THSD4: variants seen among roughly 807,000 people sequenced by gnomAD.
THSD4 encodes the protein thrombospondin type-1 domain-containing protein 4.
A neutral mutation model predicts 119.0 loss-of-function variants in THSD4; 69 were observed. That is an observed-to-expected ratio of 0.58 (90% CI 0.48 to 0.71). The LOEUF is 0.71. THSD4 is among the 30% of genes least tolerant of loss of function. The probability of loss-of-function intolerance (pLI) is 0.00; values close to 1 mark genes in which losing one functional copy is unlikely to be tolerated. For synonymous variants in THSD4, 524 were observed against 540.4 expected, an observed-to-expected ratio of 0.97 and a Z score of 0.42; for missense variants, 1,393 against 1,391.1, an observed-to-expected ratio of 1.00 and a Z score of -0.02.
chr15:71,400,209 ATGG>A (rs2046509325), intron 6 of THSD4, among the ~76,000 whole-genome samples: 1 of 152,120 alleles, frequency 6.6e-6, no homozygotes, highest in South Asian at 2.1e-4. Context: ...CAAGTGTGGG[ATGG>A]AAGGTTTGGG....
At position 71,608,520 on chromosome 15, in the gene THSD4, G is replaced by A. The variant is rs545919349; in HGVS notation, c.1153-52010G>A. ...TATTTAATCATTTCCCTAATGCTGT[G>A]CATTTGAGTTGTTTCCAGTTTTCTG... On this transcript the variant is annotated intron_variant, in intron 7 of 17. Coordinates refer to ENST00000261862, the MANE Select transcript of THSD4 (RefSeq NM_024817.3). Among the ~76,000 whole-genome samples, 3 of 152,196 alleles carry A rather than the reference G, an allele frequency of 2.0e-5. No individual in the cohort carries two copies. In the South Asian group the frequency reaches 6.2e-4, roughly 32 times the overall value.
intron 7 of THSD4, among the ~76,000 whole-genome samples, chr15:71,555,011 A>G (rs548252166): frequency 4.7e-4 from 71 of 152,246 alleles, no homozygotes; most frequent in African/African-American, 1.6e-3. Context: ...AAAGACAACC[A>G]TCACCCTGAA....
At chr15:71,340,512 C>A (rs1164084634) in intron 6 of THSD4, among the ~76,000 whole-genome samples, 2 of 151,166 alleles carry the variant, frequency 1.3e-5, no homozygotes, top group Non-Finnish European at 3.0e-5. Context: ...GGAGCTTGCG[C>A]ACCCTCTGGA....
chr15:71,474,515 C>T (rs2140648752), intron 7 of THSD4, among the ~76,000 whole-genome samples: 1 of 152,300 alleles, frequency 6.6e-6, no homozygotes, highest in South Asian at 2.1e-4. Flanking sequence ...GCCACCGCGC[C>T]TGGCCTTCTA....
intron 2 of THSD4, among the ~76,000 whole-genome samples, chr15:71,141,992 A>G (rs1250400718): frequency 6.6e-6 from 1 of 152,154 alleles, no homozygotes; most frequent in Admixed American, 6.5e-5. Context: ...AATACCAGCT[A>G]TTGGAGAGGC....
At chr15:71,439,263 A>G (rs1023772925) in intron 7 of THSD4, among the ~76,000 whole-genome samples, 1 of 152,186 alleles carries the variant, frequency 6.6e-6, no homozygotes, top group African/African-American at 2.4e-5. Flanking sequence ...AAGTTTATCA[A>G]TCCATCTTCT....
At chr15:71,188,983 C>A (rs539238905) in intron 3 of THSD4, 1 of 152,774 alleles carries the variant, frequency 6.5e-6, no homozygotes, top group East Asian at 1.9e-4. Flanking sequence ...CGGAGAGATT[C>A]ATTTTGTCTT....
chr15:71,748,841 A>G (rs189299507), intron 14 of THSD4, among the ~76,000 whole-genome samples: 99 of 152,322 alleles, frequency 6.5e-4, no homozygotes, highest in African/African-American at 2.2e-3. Flanking sequence ...GTCACTCCAT[A>G]ATACTAGGTG....
At chr15:71,230,352 G>A (rs116050513) in intron 4 of THSD4, among the ~76,000 whole-genome samples, 1,670 of 152,300 alleles carry the variant, frequency 0.011, 34 homozygotes, top group African/African-American at 0.038. Flanking sequence ...ATGCAAAGCC[G>A]CCTCCGTACT....
intron 7 of THSD4, among the ~76,000 whole-genome samples, chr15:71,444,321 G>T (rs2047150284): frequency 6.6e-6 from 1 of 152,192 alleles, no homozygotes; most frequent in African/African-American, 2.4e-5. Flanking sequence ...CACAAATTCT[G>T]AAGAACTCAG....
At chr15:71,195,124 G>T (rs1287236643) in intron 3 of THSD4, among the ~76,000 whole-genome samples, 1 of 152,174 alleles carries the variant, frequency 6.6e-6, no homozygotes, top group East Asian at 1.9e-4. Context: ...GGGTAGAAAA[G>T]CAATAATGTT....
chr15:71,489,222 G>A (rs1003850877), intron 7 of THSD4, among the ~76,000 whole-genome samples: 5 of 152,096 alleles, frequency 3.3e-5, no homozygotes, highest in Non-Finnish European at 5.9e-5. Context: ...TACAGAATTG[G>A]GTCAATAAGT....
chr15:71,323,777 A>G (rs541435599), intron 6 of THSD4, among the ~76,000 whole-genome samples: 2 of 152,382 alleles, frequency 1.3e-5, no homozygotes, highest in South Asian at 4.1e-4. Context: ...TAAGGAATGT[A>G]TTTATGGTAG....
In THSD4 at chr15:71,756,148, A is replaced by T. The variant is rs375255184; in HGVS notation, c.2416-1754A>T. Among the ~76,000 whole-genome samples, 10 of 152,326 alleles carry T rather than the reference A, an allele frequency of 6.6e-5. No homozygotes were observed. The South Asian group carries it at 2.1e-3, about 32-fold the overall frequency. On this transcript the variant is annotated intron_variant, in intron 14 of 17. Coordinates refer to ENST00000261862, the MANE Select transcript of THSD4 (RefSeq NM_024817.3). ...ACTTCAGAGGGAATTTTTAGCATGG[A>T]GTTCTCAACACCTGGCAGCCCAATG...
intron 3 of THSD4, among the ~76,000 whole-genome samples, chr15:71,188,629 C>T (rs746477063): frequency 2.0e-5 from 3 of 152,120 alleles, no homozygotes; most frequent in Non-Finnish European, 4.4e-5. Flanking sequence ...TCTCCCATGG[C>T]CTGCATGATT....
In THSD4 at chr15:71,757,960, A is replaced by G; in HGVS notation, c.2474A>G (p.His825Arg). The G allele has an allele frequency of 6.2e-7, 1 of 1,614,006 alleles. No homozygotes were observed. The highest frequency in any genetic ancestry group is 8.5e-7 in the Non-Finnish European group (1 of 1,180,024). Residue 825 changes from histidine to arginine, a missense_variant, in exon 15 of 18, where the codon CAT (histidine) becomes CGT (arginine). Transcript: ENST00000261862. The stretch of plus-strand genomic sequence containing the variant: ...CGCTCGGTGGTGTGCATGACCAACC[A>G]TGTCAGCAGCCTGCCCCTGGAGGGC... ...RTRSVVCMTN[H>R]VSSLPLEGCG... is the part of the protein sequence containing the mutation.
In THSD4 at chr15:71,544,694, AT is replaced by A. The variant is rs1242647997; in HGVS notation, c.1153-115835del. 1.2e-4 allele frequency among the ~76,000 whole-genome samples: 18 copies of A among 152,360 alleles called. No homozygotes were observed. The East Asian group carries it at 1.9e-3, about 16-fold the overall frequency. ...GAATTGAAAGCAGGGATTCAAACAG[AT>A]ACTTGTACAGCCATGGTCATAGAAG... On this transcript the variant is annotated intron_variant, in intron 7 of 17. Transcript: ENST00000261862.
chr15:71,745,072 G>C, intron 11 of THSD4, 34 bp from the exon 12 acceptor site: 1 of 1,599,970 alleles, frequency 6.3e-7, no homozygotes, highest in Non-Finnish European at 8.5e-7. Context: ...CCAGTGTGTG[G>C]GACTGTCCTT....
chr15:71,504,812 T>G (rs2048164707), intron 7 of THSD4, among the ~76,000 whole-genome samples: 1 of 152,172 alleles, frequency 6.6e-6, no homozygotes, highest in Non-Finnish European at 1.5e-5. Flanking sequence ...GTTTTTCCAT[T>G]GCCATCCTTT....
Sources: gnomAD v4.1 joint callset for allele counts (sites outside exome capture counted in the v4.1 genomes callset) on GRCh38, gnomAD v4.1.1 for gene constraint, MANE v1.5 for transcripts, NCBI Gene and HGNC (gene_info 2026-07-23, HGNC 2026-07-21) for gene names.